CADM2: variants seen among roughly 807,000 people sequenced by gnomAD.
The protein encoded by CADM2 is immunoglobulin superfamily member 4D.
In CADM2, 12 loss-of-function variants were observed where a neutral mutation model predicts 49.8. That is an observed-to-expected ratio of 0.24 (90% confidence interval 0.15 to 0.39). The LOEUF (loss-of-function observed/expected upper bound fraction) is 0.39, where lower values mean the gene tolerates loss of function less well. Among genes scored for constraint, CADM2 ranks in the 10% least tolerant of loss-of-function variants. The probability of loss-of-function intolerance (pLI) is 1.00; values close to 1 mark genes in which losing one functional copy is unlikely to be tolerated. For missense variants in CADM2, 378 were observed against 492.3 expected, an observed-to-expected ratio of 0.77 and a Z score of 2.20; for synonymous variants, 214 against 175.4, an observed-to-expected ratio of 1.22 and a Z score of -1.74.
intron 3 of CADM2, among the ~76,000 whole-genome samples, chr3:85,832,383 T>C (rs948767567): frequency 3.2e-4 from 49 of 151,964 alleles, no homozygotes; most frequent in Non-Finnish European, 1.6e-4. Context: ...AGGAATAGCA[T>C]TGAATCTGTT....
chr3:85,393,416 T>G lies in CADM2; in HGVS notation c.62-333106T>G, dbSNP rs934651986. 1.3e-4 allele frequency among the ~76,000 whole-genome samples: 20 copies of G among 152,290 alleles called. No individual in the cohort carries two copies. In the Middle Eastern group the frequency reaches 0.01, roughly 78 times the overall value. ...ATGATGGGAGAAAGCTGTTCTGAACTGCAGAATGGAGGTGAATGTTGAAAG... is the reference window on the plus strand; with the variant it reads ...ATGATGGGAGAAAGCTGTTCTGAACGGCAGAATGGAGGTGAATGTTGAAAG... On this transcript the variant is annotated intron_variant, in intron 1 of 9. Transcript: ENST00000383699.
intron 1 of CADM2, among the ~76,000 whole-genome samples, chr3:85,514,770 T>C (rs959961845): frequency 6.6e-6 from 1 of 152,158 alleles, no homozygotes; most frequent in Non-Finnish European, 1.5e-5. Context: ...ACCTATAATA[T>C]CTTACTTGAA....
At chr3:85,169,102 A>G (rs781006672) in intron 1 of CADM2, among the ~76,000 whole-genome samples, 3 of 151,960 alleles carry the variant, frequency 2.0e-5, no homozygotes, top group Non-Finnish European at 4.4e-5. Context: ...ACAGGCGCCC[A>G]CCACCAAGCC....
chr3:85,594,972 C>A (rs1045424949), intron 1 of CADM2, among the ~76,000 whole-genome samples: 3 of 152,028 alleles, frequency 2.0e-5, no homozygotes, highest in African/African-American at 7.2e-5. Context: ...ACCTAGACAG[C>A]AGCCCAGCTT....
At chr3:85,321,587 A>G (rs1381764780) in intron 1 of CADM2, among the ~76,000 whole-genome samples, 3 of 152,250 alleles carry the variant, frequency 2.0e-5, no homozygotes, top group African/African-American at 7.2e-5. Flanking sequence ...TCTCAATATC[A>G]CTTTTCATGT....
At chr3:85,912,665 A>G in intron 6 of CADM2, 122 bp downstream of exon 6, 1 of 905,162 alleles carries the variant, frequency 1.1e-6, no homozygotes, top group South Asian at 1.7e-5. Flanking sequence ...GGCAAAATGA[A>G]GTAAAACTAC....
At chr3:85,206,613 A>G (rs2041648922) in intron 1 of CADM2, among the ~76,000 whole-genome samples, 1 of 151,984 alleles carries the variant, frequency 6.6e-6, no homozygotes, top group African/African-American at 2.4e-5. Flanking sequence ...GGCCGAATTT[A>G]GGTCATTCTA....
intron 1 of CADM2, among the ~76,000 whole-genome samples, chr3:85,638,623 T>C (rs1044521159): frequency 5.3e-5 from 8 of 152,112 alleles, no homozygotes; most frequent in East Asian, 1.9e-4. Flanking sequence ...ACCATTTGTT[T>C]TACTAAGGTT....
chr3:86,046,100 T>C (rs1321422544), intron 8 of CADM2, among the ~76,000 whole-genome samples: 1 of 152,138 alleles, frequency 6.6e-6, no homozygotes, highest in South Asian at 2.1e-4. Flanking sequence ...AGAAGTTCAA[T>C]AAAAATTTAA....
chr3:85,266,946 A>G (rs1306198056), intron 1 of CADM2, among the ~76,000 whole-genome samples: 3 of 151,872 alleles, frequency 2.0e-5, no homozygotes, highest in Non-Finnish European at 4.4e-5. Flanking sequence ...GAAATCTTCC[A>G]ATGTATTAGA....
At chr3:85,543,316 G>T (rs1441999784) in intron 1 of CADM2, among the ~76,000 whole-genome samples, 1 of 148,760 alleles carries the variant, frequency 6.7e-6, no homozygotes, top group Non-Finnish European at 1.5e-5. Context: ...GTGTAATGGC[G>T]CAATCTCTGT....
chr3:85,819,864 TG>T (rs1258168813), intron 3 of CADM2, among the ~76,000 whole-genome samples: 1 of 152,082 alleles, frequency 6.6e-6, no homozygotes, highest in Admixed American at 6.6e-5. Context: ...GGGAAGAAAC[TG>T]ATCATAAACA....
chr3:85,994,107 C>G (rs946432715), intron 8 of CADM2: 3 of 152,244 alleles, frequency 2.0e-5, no homozygotes, highest in Admixed American at 2.0e-4. Context: ...CAATAGAGGA[C>G]TGTTTCATCT....
At chr3:85,638,916 G>A (rs2064611345) in intron 1 of CADM2, among the ~76,000 whole-genome samples, 1 of 151,956 alleles carries the variant, frequency 6.6e-6, no homozygotes, top group Non-Finnish European at 1.5e-5. Context: ...GGTTTTTTCT[G>A]TTTTTGTTTT....
At chr3:85,322,365 A>G (rs2044637626) in intron 1 of CADM2, among the ~76,000 whole-genome samples, 1 of 152,134 alleles carries the variant, frequency 6.6e-6, no homozygotes, top group South Asian at 2.1e-4. Context: ...AACCTAGGGC[A>G]TGGGTTTCAA....
At chr3:85,768,812 TA>T (rs1463301319) in intron 2 of CADM2, among the ~76,000 whole-genome samples, 15 of 96,992 alleles carry the variant, frequency 1.5e-4, no homozygotes, top group East Asian at 2.9e-4. Flanking sequence ...TATACATATA[TA>T]GTATATATAC....
chr3:86,056,070 A>G (rs1310674862), intron 8 of CADM2, among the ~76,000 whole-genome samples: 3 of 152,158 alleles, frequency 2.0e-5, no homozygotes, highest in Non-Finnish European at 4.4e-5. Flanking sequence ...TTTCCGTTTG[A>G]TCACCTAGAT....
chr3:85,097,202 A>G (rs528929153), intron 1 of CADM2, among the ~76,000 whole-genome samples: 122 of 152,054 alleles, frequency 8.0e-4, no homozygotes, highest in African/African-American at 2.7e-3. Context: ...TCCTGTGTCC[A>G]TGTGTTCTCA....
At chr3:85,998,016 GA>G (rs1422095165) in intron 8 of CADM2, among the ~76,000 whole-genome samples, 3 of 152,128 alleles carry the variant, frequency 2.0e-5, no homozygotes, top group Non-Finnish European at 2.9e-5. Context: ...GATGACCCAT[GA>G]AAAGGTTTTC....
Sources: gnomAD v4.1 joint callset for allele counts (sites outside exome capture counted in the v4.1 genomes callset) on GRCh38, gnomAD v4.1.1 for gene constraint, MANE v1.5 for transcripts, NCBI Gene and HGNC (gene_info 2026-07-23, HGNC 2026-07-21) for gene names.